The following HMG20A variants were observed in gnomAD, a reference collection of about 807,000 sequenced individuals.
HMG20A encodes high mobility group protein 20A.
In HMG20A, 17 loss-of-function variants were observed where a neutral mutation model predicts 43.9. That is an observed-to-expected ratio of 0.39 (90% CI 0.27 to 0.58). HMG20A has a LOEUF of 0.58. Ranked by LOEUF, HMG20A falls within the 20% of genes least tolerant of loss-of-function variation. The pLI is 0.59. For synonymous variants in HMG20A, 132 were observed against 147.5 expected (o/e 0.89, Z 0.76); for missense variants, 341 against 438.2 (o/e 0.78, Z 1.98).
chr15:77,494,466 C>G, the HMG20A span, among the ~76,000 whole-genome samples: 2 of 152,256 alleles, frequency 1.3e-5, no homozygotes, highest in South Asian at 4.1e-4. Context: ...TCATCCTGCC[C>G]TTGACATCAG....
At chr15:77,433,774 T>C (rs1253081121) in intron 1 of HMG20A, among the ~76,000 whole-genome samples, 2 of 152,222 alleles carry the variant, frequency 1.3e-5, no homozygotes, top group Admixed American at 6.5e-5. Flanking sequence ...TAGGTAGTCA[T>C]AGATTGGAAG....
In HMG20A at chr15:77,464,391, A is replaced by T. The variant is rs1310560922; in HGVS notation, c.237+4A>T. On this transcript the variant is annotated splice_donor_region_variant and intron_variant, in intron 3 of 9. Transcript: ENST00000336216. ...TGAACAGAGGCATGAAGATGAGGTA[A>T]GCTGAAGTATCTCCTTCTGTTCCTA... 1 of 1,613,024 alleles carries T rather than the reference A, an allele frequency of 6.2e-7. No individual in the cohort carries two copies. The highest frequency in any genetic ancestry group is 1.7e-5 in the Admixed American group (1 of 59,984).
the HMG20A span, among the ~76,000 whole-genome samples, chr15:77,498,758 T>A: frequency 6.6e-6 from 1 of 152,324 alleles, no homozygotes; most frequent in Non-Finnish European, 1.5e-5. Flanking sequence ...AACATTTTCC[T>A]GGGTTCTACA....
chr15:77,508,890 A>C, the HMG20A span, among the ~76,000 whole-genome samples: 4 of 152,206 alleles, frequency 2.6e-5, no homozygotes, highest in Non-Finnish European at 5.9e-5. Context: ...ATCCTTTTTC[A>C]GGCTTAGGGC....
the HMG20A span, among the ~76,000 whole-genome samples, chr15:77,517,134 T>A: frequency 6.6e-6 from 1 of 152,200 alleles, no homozygotes; most frequent in Admixed American, 6.5e-5. Flanking sequence ...CCTGTCTGAA[T>A]CCCTGTGGGG....
At chr15:77,475,088 C>T (rs2072843572) in intron 6 of HMG20A, among the ~76,000 whole-genome samples, 1 of 152,096 alleles carries the variant, frequency 6.6e-6, no homozygotes, top group African/African-American at 2.4e-5. Flanking sequence ...GACAGAATGA[C>T]ACTCAGCTTG....
intron 1 of HMG20A, among the ~76,000 whole-genome samples, chr15:77,427,761 T>G (rs2073441512): frequency 6.6e-6 from 1 of 152,236 alleles, no homozygotes; most frequent in Admixed American, 6.5e-5. Context: ...TGAATAATAT[T>G]CAGATTCAGA....
chr15:77,438,763 A>G (rs2073577720), intron 1 of HMG20A, among the ~76,000 whole-genome samples: 1 of 152,162 alleles, frequency 6.6e-6, no homozygotes, highest in Non-Finnish European at 1.5e-5. Context: ...TTTAAACCAG[A>G]TAAATTTCAT....
At chr15:77,427,021 T>G (rs905933334) in intron 1 of HMG20A, among the ~76,000 whole-genome samples, 19 of 152,258 alleles carry the variant, frequency 1.2e-4, no homozygotes, top group Admixed American at 7.8e-4. Context: ...TCTTCTTGAT[T>G]AGGTCAAGGA....
chr15:77,514,675 A>G, the HMG20A span, among the ~76,000 whole-genome samples: 1 of 152,110 alleles, frequency 6.6e-6, no homozygotes, highest in African/African-American at 2.4e-5. Flanking sequence ...ACCTTTGTGG[A>G]ATTTGGATTT....
downstream of HMG20A, among the ~76,000 whole-genome samples, chr15:77,490,253 A>G (rs186587582): frequency 4.7e-4 from 71 of 152,188 alleles, no homozygotes; most frequent in Non-Finnish European, 7.8e-4. Context: ...GTGCCACTGC[A>G]CTCCAGCCTG....
At chr15:77,448,494 CTG>C (rs1487674962) in intron 1 of HMG20A, among the ~76,000 whole-genome samples, 1 of 152,182 alleles carries the variant, frequency 6.6e-6, no homozygotes, top group Non-Finnish European at 1.5e-5. Context: ...TTCATGGCCT[CTG>C]TATATAAAAT....
chr15:77,501,096 T>C, the HMG20A span, among the ~76,000 whole-genome samples: 4 of 152,214 alleles, frequency 2.6e-5, no homozygotes, highest in South Asian at 2.1e-4. Flanking sequence ...GTGTGGCTAT[T>C]CAGTCCTGTC....
downstream of HMG20A, among the ~76,000 whole-genome samples, chr15:77,486,758 C>T (rs1416305405): frequency 1.3e-5 from 2 of 152,064 alleles, no homozygotes; most frequent in Non-Finnish European, 2.9e-5. Flanking sequence ...ATAACACGTG[C>T]CTCAGCAATC....
downstream of HMG20A, among the ~76,000 whole-genome samples, chr15:77,489,768 G>A (rs1204324810): frequency 6.6e-6 from 1 of 152,218 alleles, no homozygotes; most frequent in Non-Finnish European, 1.5e-5. Context: ...AAATCCTGAG[G>A]CAGGAATGAA....
the HMG20A span, among the ~76,000 whole-genome samples, chr15:77,500,647 C>A: frequency 6.6e-6 from 1 of 151,028 alleles, no homozygotes; most frequent in Admixed American, 6.6e-5. Context: ...TGGCTCACTG[C>A]AACCTCCGCC....
intron 4 of HMG20A, among the ~76,000 whole-genome samples, chr15:77,467,705 A>G (rs1029390194): frequency 6.6e-6 from 1 of 152,230 alleles, no homozygotes; most frequent in African/African-American, 2.4e-5. Flanking sequence ...TTTAAGAAAA[A>G]ATGTTACTGC....
intron 4 of HMG20A, among the ~76,000 whole-genome samples, chr15:77,468,970 A>G (rs560483212): frequency 3.0e-4 from 46 of 152,090 alleles, no homozygotes; most frequent in Non-Finnish European, 5.7e-4. Context: ...ATTTTTTTAA[A>G]ATACAGTTCC....
In HMG20A at chr15:77,440,793, T is replaced by C. The variant is rs79449892; in HGVS notation, c.-4-17611T>C. Among the ~76,000 whole-genome samples the C allele has an allele frequency of 5.0e-3, 769 of 152,288 alleles. 8 individuals are homozygous for C. The highest frequency in any genetic ancestry group is 0.017 in the African/African-American group (723 of 41,562). Reference sequence around the variant, plus strand: ...GTCTTCTCTGAGGCAGTGAGGAAGTTTCCTCTTATGTTTCTGAAAGGAGAT... The same window carrying C: ...GTCTTCTCTGAGGCAGTGAGGAAGTCTCCTCTTATGTTTCTGAAAGGAGAT... On this transcript the variant is annotated intron_variant, in intron 1 of 9. Transcript: ENST00000336216.
Sources: gnomAD v4.1 joint callset for allele counts (sites outside exome capture counted in the v4.1 genomes callset) on GRCh38, gnomAD v4.1.1 for gene constraint, MANE v1.5 for transcripts, NCBI Gene and HGNC (gene_info 2026-07-23, HGNC 2026-07-21) for gene names.